The following TPO variants were observed in gnomAD, a reference collection of about 807,000 sequenced individuals.
TPO encodes the protein thyroid peroxidase.
In TPO, 78 loss-of-function variants were observed where a neutral mutation model predicts 96.9. That is an observed-to-expected ratio of 0.81 (90% CI 0.67 to 0.97). The LOEUF (loss-of-function observed/expected upper bound fraction) is 0.97. TPO is among the 50% of genes least tolerant of loss of function. TPO has a pLI of 0.00. For synonymous variants in TPO, 547 were observed against 538.0 expected (o/e 1.02, Z -0.23); for missense variants, 1,252 against 1,274.8 (o/e 0.98, Z 0.27).
chr2:1,506,549 T>C (rs536153935), intron 14 of TPO, among the ~76,000 whole-genome samples: 2 of 152,296 alleles, frequency 1.3e-5, no homozygotes, highest in African/African-American at 4.8e-5. Flanking sequence ...GCACCTGTTG[T>C]TTCCTGACTT....
In TPO at chr2:1,387,732, A is replaced by T. The variant is rs558168634; in HGVS notation, n.180+13330A>T. On this transcript the variant is annotated intron_variant and non_coding_transcript_variant, in intron 1 of 5. Transcript: ENST00000497517. ...AGCTCGTCAAAGTCATTCTTTGTCC[A>T]GCTTTGTTCCATTGCTGGTGAGGAG... Among the ~76,000 whole-genome samples the T allele has an allele frequency of 3.9e-5, 6 of 152,330 alleles. No individual in the cohort carries two copies. In the East Asian group the frequency reaches 1.2e-3, roughly 29 times the overall value.
intron 9 of TPO, among the ~76,000 whole-genome samples, chr2:1,486,395 G>A (rs1299928416): frequency 2.0e-5 from 3 of 151,994 alleles, no homozygotes; most frequent in South Asian, 2.1e-4. Context: ...AACATTAGCC[G>A]TGTGTGGTGG....
At chr2:1,431,267 C>T (rs918532989) in intron 3 of TPO, among the ~76,000 whole-genome samples, 2 of 152,046 alleles carry the variant, frequency 1.3e-5, no homozygotes, top group Non-Finnish European at 2.9e-5. Context: ...GGCACCTGCC[C>T]GCTTGACCTC....
Position 1,413,602 on chromosome 2 carries a change from C to G in TPO, c.-2+57C>G, listed in dbSNP as rs1324790222. 5.5e-6 allele frequency: 5 copies of G among 902,766 alleles called. No homozygotes were observed. In the African/African-American group the frequency reaches 9.0e-5, roughly 16 times the overall value. The allele number at this position is 902,766 out of a possible 1,614,324, so 55.9% of individuals were successfully genotyped here. ...TTCTAAGAGAAATTCATCATTGGAA[C>G]TTGTAAAGTGGCCCAAGAGTGGCTG... is the stretch of plus-strand genomic sequence containing the variant. On this transcript the variant is annotated intron_variant, in intron 1 of 16. Transcript: ENST00000329066.
At chr2:1,520,860 C>A (rs1675184406) in intron 15 of TPO, among the ~76,000 whole-genome samples, 1 of 152,200 alleles carries the variant, frequency 6.6e-6, no homozygotes, top group African/African-American at 2.4e-5. Flanking sequence ...TTCTTCAGAT[C>A]CGGCTTTCTT....
At chr2:1,477,959 A>C (rs1403545115) in intron 8 of TPO, 3 of 985,200 alleles carry the variant, frequency 3.0e-6, no homozygotes, top group Middle Eastern at 5.2e-4. Context: ...CAGACCACCC[A>C]GGTTTCCCGG....
At chr2:1,459,585 C>T (rs1433978228) in intron 7 of TPO, among the ~76,000 whole-genome samples, 1 of 152,194 alleles carries the variant, frequency 6.6e-6, no homozygotes, top group Non-Finnish European at 1.5e-5. Context: ...AAAAGGAAGA[C>T]AGGCTGGTCC....
chr2:1,502,512 C>T (rs1049318360), intron 13 of TPO, among the ~76,000 whole-genome samples: 2 of 152,154 alleles, frequency 1.3e-5, no homozygotes, highest in Non-Finnish European at 2.9e-5. Context: ...GCCTCAGCCT[C>T]CTGAGTAGCT....
chr2:1,435,026 C>G lies in TPO; in HGVS notation c.350-1226C>G, dbSNP rs567696575. On this transcript the variant is annotated intron_variant, in intron 4 of 16. Coordinates refer to ENST00000329066, the MANE Select transcript of TPO (RefSeq NM_001206744.2). The stretch of plus-strand genomic sequence containing the variant: ...TCGGCTCACTGCAAGCTCCGCCTCC[C>G]AGGTTCACGCCATTCTCCTGCCTCA... Among the ~76,000 whole-genome samples the G allele has an allele frequency of 5.5e-3, 840 of 152,264 alleles. 2 individuals are homozygous for G. Among genetic ancestry groups the G allele is most frequent in the Non-Finnish European group, 8.8e-3 (600 of 68,014 alleles).
chr2:1,511,169 A>ACAGCCCTGCAGACTGGGGGTGCCACAGCG, intron 14 of TPO, among the ~76,000 whole-genome samples: 1 of 148,952 alleles, frequency 6.7e-6, no homozygotes, highest in Non-Finnish European at 1.5e-5. Context: ...GTGCCACAGC[A>ACAGCCCTGCAGACTGGGGGTGCCACAGCG]CAGCCCTGCA....
intron 7 of TPO, among the ~76,000 whole-genome samples, chr2:1,458,646 C>G (rs985157654): frequency 4.6e-5 from 7 of 152,102 alleles, no homozygotes; most frequent in African/African-American, 1.2e-4. Flanking sequence ...AGTTTGTGGG[C>G]ACGTGTGTAA....
intron 5 of TPO, among the ~76,000 whole-genome samples, chr2:1,450,200 C>T (rs1667187929): frequency 1.3e-5 from 2 of 152,234 alleles, no homozygotes; most frequent in South Asian, 4.1e-4. Flanking sequence ...ATCTCTGGCA[C>T]TCAGCGTGTC....
rs10189437 is a variant in TPO, at chr2:1,494,170, G to C, written c.2006+131G>C. On this transcript the variant is annotated intron_variant, in intron 11 of 16. Coordinates refer to ENST00000329066, the MANE Select transcript of TPO (RefSeq NM_001206744.2). ...TTCAACTCTTACGTAAGCCTGGTCAGGTTGTTTCTCCCACCCACAGCTTCT... is the reference window on the plus strand; with the variant it reads ...TTCAACTCTTACGTAAGCCTGGTCACGTTGTTTCTCCCACCCACAGCTTCT... 0.012 allele frequency: 11,570 copies of C among 970,722 alleles called. 855 individuals carry two copies. In the African/African-American group the frequency reaches 0.16, roughly 14 times the overall value. The allele number at this position is 970,722 out of a possible 1,614,324, so 60.1% of individuals were successfully genotyped here.
rs192919790 is a variant in TPO at position 1,525,915 on chromosome 2, C to T, written c.2618+8933C>T. 4.7e-3 allele frequency among the ~76,000 whole-genome samples: 671 copies of T among 141,814 alleles called. 3 individuals carry two copies. Among genetic ancestry groups the T allele is most frequent in the Non-Finnish European group, 8.3e-3 (545 of 65,682 alleles). 93.0% of individuals were successfully genotyped at this position (141,814 alleles called of 152,430 possible). A position where few individuals can be genotyped will look rare whatever the true frequency, so the allele number is the denominator to read the frequency against. On this transcript the variant is annotated intron_variant, in intron 15 of 16. Transcript: ENST00000329066. ...AATACTGTGTGCAACCTCCTCAAATCCCCCCACTGTGCGCAACCTCCTCAT... is the reference window on the plus strand; with the variant it reads ...AATACTGTGTGCAACCTCCTCAAATTCCCCCACTGTGCGCAACCTCCTCAT...
intron 14 of TPO, 32 bp from the exon 15 acceptor site, chr2:1,516,851 T>G (rs1674765163): frequency 6.2e-7 from 1 of 1,608,934 alleles, no homozygotes; most frequent in Non-Finnish European, 8.5e-7. Flanking sequence ...CCCTGGAAGG[T>G]TCTTCTAACC....
intron 14 of TPO, among the ~76,000 whole-genome samples, chr2:1,515,715 G>A (rs780062166): frequency 3.3e-5 from 5 of 152,032 alleles, no homozygotes; most frequent in South Asian, 2.1e-4. Context: ...ACAGGGAACC[G>A]CAGTCACCCA....
rs371787378 is a variant in TPO, at chr2:1,436,316, G to C, written c.414G>C (p.Leu138=). The change falls in exon 5 of 17, where the codon CTG becomes CTC. Residue 138 remains leucine (L), a synonymous_variant. Coordinates refer to ENST00000329066, the MANE Select transcript of TPO (RefSeq NM_001206744.2). ...ANMSGCLPYM[L]PPKCPNTCLA... ...TGTCTGGATGTCTCCCTTACATGCTGCCCCCAAAATGCCCAAACACTTGCC... is the reference window on the plus strand; with the variant it reads ...TGTCTGGATGTCTCCCTTACATGCTCCCCCCAAAATGCCCAAACACTTGCC... 34 of 1,614,152 alleles carry C rather than the reference G, an allele frequency of 2.1e-5. 1 individual carries two copies. The African/African-American group carries it at 3.2e-4, about 15-fold the overall frequency.
intron 14 of TPO, among the ~76,000 whole-genome samples, chr2:1,504,960 G>A (rs1371995675): frequency 2.0e-5 from 3 of 152,302 alleles, no homozygotes; most frequent in South Asian, 2.1e-4. Context: ...TAGCTGGGAC[G>A]TCCAGCCAGG....
chr2:1,459,823 C>T (rs6588672), intron 7 of TPO, among the ~76,000 whole-genome samples: 87,645 of 152,070 alleles, frequency 0.58, 25,512 homozygotes, highest in East Asian at 0.77. Context: ...CTCTCTCACA[C>T]GCTGGGGCTC....
Sources: allele counts gnomAD v4.1 joint callset (sites outside exome capture counted in the v4.1 genomes callset), GRCh38; gene constraint gnomAD v4.1.1; transcripts MANE v1.5; gene names NCBI Gene and HGNC (gene_info 2026-07-23, HGNC 2026-07-21).